The following DTWD2 variants were observed in gnomAD, a reference collection of about 807,000 sequenced individuals.
DTWD2 encodes the protein tRNA-uridine aminocarboxypropyltransferase 2.
In DTWD2, 39 loss-of-function variants were observed where a neutral mutation model predicts 31.8. That is an observed-to-expected ratio of 1.22 (90% confidence interval 0.95 to 1.60). DTWD2 has a LOEUF of 1.60. Ranked by LOEUF, DTWD2 falls within the 40% of genes most tolerant of loss-of-function variation. The pLI, the probability that DTWD2 is intolerant of heterozygous loss-of-function variation, is 0.00. For synonymous variants in DTWD2, 180 were observed against 142.8 expected (o/e 1.26, Z -1.86); for missense variants, 515 against 381.5 (o/e 1.35, Z -2.92).
At chr5:118,884,527 G>A (rs1366092024) in intron 4 of DTWD2, among the ~76,000 whole-genome samples, 4 of 152,074 alleles carry the variant, frequency 2.6e-5, no homozygotes, top group African/African-American at 7.2e-5. Context: ...ATTTATCTTA[G>A]TACAGGGTAC....
At chr5:118,981,073 T>C (rs886408772) in intron 1 of DTWD2, among the ~76,000 whole-genome samples, 1 of 152,160 alleles carries the variant, frequency 6.6e-6, no homozygotes, top group Non-Finnish European at 1.5e-5. Flanking sequence ...CTTGAAAACA[T>C]TATACTCGGT....
intron 4 of DTWD2, among the ~76,000 whole-genome samples, chr5:118,921,855 C>T (rs746129877): frequency 9.2e-5 from 14 of 152,146 alleles, no homozygotes; most frequent in Non-Finnish European, 1.8e-4. Flanking sequence ...AGAATAACGA[C>T]GTGTTTGGCA....
chr5:118,933,032 C>CA (rs1753961946), intron 3 of DTWD2, among the ~76,000 whole-genome samples: 3 of 151,830 alleles, frequency 2.0e-5, no homozygotes, highest in African/African-American at 4.8e-5. Flanking sequence ...ATAAATACTA[C>CA]AAAAAACTCA....
At chr5:118,923,502 A>T (rs1234455137) in intron 4 of DTWD2, among the ~76,000 whole-genome samples, 3 of 152,172 alleles carry the variant, frequency 2.0e-5, no homozygotes, top group African/African-American at 4.8e-5. Context: ...ACACTGCATG[A>T]GCTCCAAGGG....
intron 4 of DTWD2, among the ~76,000 whole-genome samples, chr5:118,901,139 C>G (rs1281346361): frequency 6.6e-6 from 1 of 152,026 alleles, no homozygotes; most frequent in Admixed American, 6.6e-5. Flanking sequence ...TTTAGAACTT[C>G]TAATGCCACT....
At chr5:118,978,503 C>A (rs185134095) in intron 1 of DTWD2, among the ~76,000 whole-genome samples, 54 of 152,204 alleles carry the variant, frequency 3.5e-4, no homozygotes, top group African/African-American at 1.3e-3. Context: ...TATCCAGAGT[C>A]CACAAGGAAT....
At chr5:118,933,913 A>G (rs1345765256) in intron 3 of DTWD2, among the ~76,000 whole-genome samples, 1 of 148,878 alleles carries the variant, frequency 6.7e-6, no homozygotes, top group African/African-American at 2.5e-5. Context: ...TAAATAAATA[A>G]ATAAATAAAA....
chr5:118,955,409 C>CGT (rs1366994477), intron 1 of DTWD2, among the ~76,000 whole-genome samples: 1 of 152,168 alleles, frequency 6.6e-6, no homozygotes, highest in Non-Finnish European at 1.5e-5. Flanking sequence ...CCATCTCTTC[C>CGT]TAAACTAGTG....
intron 4 of DTWD2, among the ~76,000 whole-genome samples, chr5:118,921,226 A>G (rs1361853676): frequency 6.6e-6 from 1 of 152,218 alleles, no homozygotes; most frequent in African/African-American, 2.4e-5. Flanking sequence ...TATTCTGCCA[A>G]CAAAATTATG....
rs965145309 is a variant in DTWD2 at position 118,896,539 on chromosome 5, A to C, written c.597+31998T>G. Among the ~76,000 whole-genome samples, 6 of 152,316 alleles carry C rather than the reference A, an allele frequency of 3.9e-5. No homozygotes were observed. The South Asian group carries it at 1.2e-3, about 32-fold the overall frequency. ...ATGTAACATGTTAATAAAACCAGAGAAGGTATAGATAACATAAGCACAGAA... is the reference window on the plus strand; with the variant it reads ...ATGTAACATGTTAATAAAACCAGAGCAGGTATAGATAACATAAGCACAGAA... On this transcript the variant is annotated intron_variant, in intron 4 of 5. Transcript: ENST00000510708.
intron 4 of DTWD2, among the ~76,000 whole-genome samples, chr5:118,896,694 T>G (rs938838892): frequency 6.6e-6 from 1 of 152,260 alleles, no homozygotes; most frequent in African/African-American, 2.4e-5. Flanking sequence ...CAATTAATAC[T>G]GCTCAGAATA....
At chr5:118,921,767 A>G (rs1456736983) in intron 4 of DTWD2, among the ~76,000 whole-genome samples, 2 of 152,182 alleles carry the variant, frequency 1.3e-5, no homozygotes, top group Non-Finnish European at 2.9e-5. Context: ...CTACATCTCA[A>G]TGAGACTGTG....
intron 4 of DTWD2, among the ~76,000 whole-genome samples, chr5:118,907,386 CAT>C (rs1753357800): frequency 6.6e-6 from 1 of 152,264 alleles, no homozygotes; most frequent in Non-Finnish European, 1.5e-5. Flanking sequence ...GGAATTGACA[CAT>C]GATTATGGAG....
chr5:118,914,118 C>T lies in DTWD2; in HGVS notation c.597+14419G>A, dbSNP rs773643668. ...AAGTTTTGTATCCTTGGTGGTTTCG[C>T]CTTACTCTGGTTTAAATGTGTCCCC... On this transcript the variant is annotated intron_variant, in intron 4 of 5. Transcript: ENST00000510708. Among the ~76,000 whole-genome samples, 21 of 152,142 alleles carry T rather than the reference C, an allele frequency of 1.4e-4. No homozygotes were observed. In the South Asian group the frequency reaches 1.7e-3, roughly 12 times the overall value.
At chr5:118,907,725 A>G (rs1268745834) in intron 4 of DTWD2, among the ~76,000 whole-genome samples, 3 of 148,750 alleles carry the variant, frequency 2.0e-5, no homozygotes, top group Non-Finnish European at 4.5e-5. Context: ...GAGACTCCAT[A>G]TCAAAAAAAA....
At chr5:118,905,390 G>C (rs923898853) in intron 4 of DTWD2, among the ~76,000 whole-genome samples, 1 of 152,088 alleles carries the variant, frequency 6.6e-6, no homozygotes. Context: ...TGCAGCTGCA[G>C]AGCGTATAAC....
intron 1 of DTWD2, among the ~76,000 whole-genome samples, chr5:118,952,507 T>A (rs1426765065): frequency 6.6e-6 from 1 of 152,028 alleles, no homozygotes; most frequent in African/African-American, 2.4e-5. Flanking sequence ...TGGGGGAGCG[T>A]CTGAGCCGGG....
intron 1 of DTWD2, among the ~76,000 whole-genome samples, chr5:118,978,022 A>C (rs1755206230): frequency 6.6e-6 from 1 of 152,216 alleles, no homozygotes; most frequent in Non-Finnish European, 1.5e-5. Context: ...CCAATGGAAC[A>C]GAATAGAGAA....
Position 118,939,285 on chromosome 5 carries a change from G to C in DTWD2, c.315C>G (p.Asn105Lys), listed in dbSNP as rs370454959. 6.4e-7 allele frequency: 1 copy of C among 1,566,504 alleles called. No homozygotes were observed. The highest frequency in any genetic ancestry group is 2.3e-5 in the East Asian group (1 of 42,978). The change falls in exon 3 of 6, where the codon AAC (asparagine) becomes AAG (lysine). Residue 105 changes from asparagine (N) to lysine (K), a missense_variant. By Grantham distance (94) the Asn-to-Lys change is moderately conservative (BLOSUM62 0). Coordinates refer to ENST00000510708, the MANE Select transcript of DTWD2 (RefSeq NM_173666.4). ...GTAGAGGAACTGTACGCAACACTTTGTTTTCCTTTAATTAAAAAATGAATT... is the reference window on the plus strand; with the variant it reads ...GTAGAGGAACTGTACGCAACACTTTCTTTTCCTTTAATTAAAAAATGAATT... The part of the protein sequence containing the change: ...LYIIQHPAEE[N>K]KVLRTVPLLA...
Sources: gnomAD v4.1 joint callset for allele counts (sites outside exome capture counted in the v4.1 genomes callset) on GRCh38, gnomAD v4.1.1 for gene constraint, MANE v1.5 for transcripts, NCBI Gene and HGNC (gene_info 2026-07-23, HGNC 2026-07-21) for gene names.